Variants in AP1S3 observed in about 807,000 individuals in gnomAD.
AP1S3 encodes the protein adaptor related protein complex 1 subunit sigma 3.
In AP1S3, 10 loss-of-function variants were observed where a neutral mutation model predicts 20.9. That is an observed-to-expected ratio of 0.48 (90% CI 0.29 to 0.81). AP1S3 has a LOEUF of 0.81. AP1S3 is among the 30% of genes least tolerant of loss of function. The pLI is 0.08. For synonymous variants in AP1S3, 41 were observed against 61.5 expected, an observed-to-expected ratio of 0.67 and a Z score of 1.56; for missense variants, 154 against 183.8, an observed-to-expected ratio of 0.84 and a Z score of 0.94.
chr2:223,814,301 T>C (rs1691796580), intron 1 of AP1S3, among the ~76,000 whole-genome samples: 1 of 152,154 alleles, frequency 6.6e-6, no homozygotes, highest in Non-Finnish European at 1.5e-5. Flanking sequence ...ACTCTGTTCT[T>C]TGTTTTCTGT....
intron 1 of AP1S3, among the ~76,000 whole-genome samples, chr2:223,812,086 A>G (rs985847691): frequency 6.6e-6 from 1 of 152,250 alleles, no homozygotes; most frequent in South Asian, 2.1e-4. Context: ...TTCTCAGGTC[A>G]GTAGTCACAA....
intron 1 of AP1S3, among the ~76,000 whole-genome samples, chr2:223,783,451 T>C (rs1211400812): frequency 1.3e-5 from 2 of 152,230 alleles, no homozygotes; most frequent in Non-Finnish European, 2.9e-5. Context: ...ATCCTTGGTC[T>C]AATTGGGCAC....
chr2:223,763,749 C>T (rs1690414205), intron 4 of AP1S3, among the ~76,000 whole-genome samples: 3 of 152,184 alleles, frequency 2.0e-5, no homozygotes, highest in Admixed American at 2.0e-4. Flanking sequence ...AGATGTTTTC[C>T]TCCACATCCA....
intron 1 of AP1S3, among the ~76,000 whole-genome samples, chr2:223,804,310 A>G (rs1291969130): frequency 6.6e-6 from 1 of 152,176 alleles, no homozygotes; most frequent in Non-Finnish European, 1.5e-5. Flanking sequence ...TAATTTCACA[A>G]TGCACCCTCA....
intron 1 of AP1S3, among the ~76,000 whole-genome samples, chr2:223,818,481 G>C (rs1370750981): frequency 2.6e-5 from 4 of 151,860 alleles, no homozygotes; most frequent in Non-Finnish European, 5.9e-5. Flanking sequence ...GTGTCTGTAG[G>C]CATCCTGGAA....
chr2:223,758,143 TA>T lies in AP1S3; in HGVS notation c.*571del, dbSNP rs35904205. The T allele has an allele frequency of 0.47, 457,542 of 979,562 alleles. 109,720 individuals are homozygous for T. Among genetic ancestry groups the T allele is most frequent in the South Asian group, 0.59 (12,467 of 21,154 alleles). 60.7% of individuals were successfully genotyped at this position (979,562 alleles called of 1,614,324 possible). A position where few individuals can be genotyped will look rare whatever the true frequency, so the allele number is the denominator to read the frequency against. ...TTGGTTATTTTCATAATCCCAATTCTAAAAAAAATAAATGAATTCAGCACAT... is the reference window on the plus strand; with the variant it reads ...TTGGTTATTTTCATAATCCCAATTCTAAAAAAATAAATGAATTCAGCACAT... On this transcript the variant is annotated 3_prime_UTR_variant, in exon 5 of 5. Transcript: ENST00000396654.
intron 3 of AP1S3, among the ~76,000 whole-genome samples, chr2:223,774,586 C>T (rs1360967455): frequency 6.6e-6 from 1 of 150,890 alleles, no homozygotes; most frequent in Non-Finnish European, 1.5e-5. Context: ...GGCAAGAGGG[C>T]GAACAGAGAA....
rs770773111 is a variant in AP1S3, at chr2:223,777,885, C to G, written c.4-16G>C. The G allele has an allele frequency of 6.3e-7, 1 of 1,599,014 alleles. No homozygotes were observed. Reference sequence around the variant, plus strand: ...TGAAATGTATCTAGAACAAAGGACACAAAAAACAGAACCTGATCAACCAAG... The same window carrying G: ...TGAAATGTATCTAGAACAAAGGACAGAAAAAACAGAACCTGATCAACCAAG... On this transcript the variant is annotated splice_polypyrimidine_tract_variant and intron_variant, in intron 1 of 4. Coordinates refer to ENST00000396654, the MANE Select transcript of AP1S3 (RefSeq NM_001039569.2).
At chr2:223,825,238 G>A (rs1300979378) in intron 1 of AP1S3, among the ~76,000 whole-genome samples, 1 of 151,880 alleles carries the variant, frequency 6.6e-6, no homozygotes, top group Non-Finnish European at 1.5e-5. Flanking sequence ...GCGTGAACCC[G>A]GGAGGCGGAG....
intron 1 of AP1S3, among the ~76,000 whole-genome samples, chr2:223,836,820 C>T (rs1292569940): frequency 1.3e-5 from 2 of 152,130 alleles, no homozygotes; most frequent in Admixed American, 6.5e-5. Flanking sequence ...AACCAAACTC[C>T]TTATTTTGGC....
At chr2:223,772,212 C>T (rs776409823) in intron 3 of AP1S3, among the ~76,000 whole-genome samples, 22 of 152,154 alleles carry the variant, frequency 1.4e-4, no homozygotes, top group Non-Finnish European at 2.8e-4. Context: ...ATCTCTTTGC[C>T]CCTCCCAGCA....
chr2:223,788,155 C>CT (rs1277049510), intron 1 of AP1S3, among the ~76,000 whole-genome samples: 1 of 151,744 alleles, frequency 6.6e-6, no homozygotes, highest in Non-Finnish European at 1.5e-5. Context: ...CCATGTTGGC[C>CT]AGGCTGGTCC....
intron 3 of AP1S3, chr2:223,773,212 C>G: frequency 8.7e-7 from 1 of 1,147,732 alleles, no homozygotes; most frequent in Non-Finnish European, 1.1e-6. Flanking sequence ...AATTCAGCCC[C>G]AATTCACATT....
chr2:223,771,818 A>C (rs1432464418), intron 3 of AP1S3, among the ~76,000 whole-genome samples: 1 of 152,226 alleles, frequency 6.6e-6, no homozygotes, highest in East Asian at 1.9e-4. Flanking sequence ...TATATAAAAT[A>C]AGAATAGGCC....
At chr2:223,783,541 A>T (rs1691003405) in intron 1 of AP1S3, among the ~76,000 whole-genome samples, 2 of 152,172 alleles carry the variant, frequency 1.3e-5, no homozygotes, top group Non-Finnish European at 2.9e-5. Context: ...TGTTCTGGGG[A>T]CACTGTTAGT....
rs1421560273 is a variant in AP1S3 at position 223,755,344 on chromosome 2, T to C, written c.*3371A>G. Among the ~76,000 whole-genome samples, 2 of 152,172 alleles carry C rather than the reference T, an allele frequency of 1.3e-5. No homozygotes were observed. The highest frequency in any genetic ancestry group is 4.8e-5 in the African/African-American group (2 of 41,434). On this transcript the variant is annotated 3_prime_UTR_variant, in exon 5 of 5. Transcript: ENST00000396654. The stretch of plus-strand genomic sequence containing the variant: ...CACCAAGTTCCTCATTAAAACATGT[T>C]AAAACATTTTATTTTGGAAGTTTTA...
intron 2 of AP1S3, among the ~76,000 whole-genome samples, chr2:223,776,578 A>G (rs570599682): frequency 7.9e-5 from 12 of 152,326 alleles, no homozygotes; most frequent in African/African-American, 2.9e-4. Flanking sequence ...GCAAGAGCAT[A>G]TCTAAGGATC....
chr2:223,828,268 T>C (rs569982386), intron 1 of AP1S3, among the ~76,000 whole-genome samples: 3 of 148,938 alleles, frequency 2.0e-5, no homozygotes, highest in African/African-American at 7.4e-5. Flanking sequence ...CCTGGGGTCA[T>C]TCCCCTCACC....
intron 3 of AP1S3, among the ~76,000 whole-genome samples, chr2:223,771,478 C>T (rs187923245): frequency 3.3e-5 from 5 of 152,314 alleles, no homozygotes; most frequent in Admixed American, 3.3e-4. Flanking sequence ...TGCTCCCTCA[C>T]CATGTTAATA....
Sources: allele counts gnomAD v4.1 joint callset (sites outside exome capture counted in the v4.1 genomes callset), GRCh38; gene constraint gnomAD v4.1.1; transcripts MANE v1.5; gene names NCBI Gene and HGNC (gene_info 2026-07-23, HGNC 2026-07-21).